The following JPH1 variants were observed in gnomAD, a reference collection of about 807,000 sequenced individuals.
JPH1 encodes junctophilin-1.
A neutral mutation model predicts 53.6 loss-of-function variants in JPH1; 12 were observed. The observed-to-expected ratio is 0.22, with a 90% CI of 0.14 to 0.36. JPH1 has a LOEUF of 0.36. JPH1 is among the 10% of genes least tolerant of loss of function. The pLI, the probability that JPH1 is intolerant of heterozygous loss-of-function variation, is 1.00. For synonymous variants in JPH1, 375 were observed against 363.8 expected, an observed-to-expected ratio of 1.03 and a Z score of -0.35; for missense variants, 808 against 905.5, an observed-to-expected ratio of 0.89 and a Z score of 1.38.
At chr8:74,249,317 C>T (rs952885349) in intron 3 of JPH1, among the ~76,000 whole-genome samples, 1 of 152,154 alleles carries the variant, frequency 6.6e-6, no homozygotes, top group Admixed American at 6.5e-5. Flanking sequence ...TCTGTGGAGA[C>T]TGACAATCAG....
At chr8:74,309,333 C>T (rs1807924512) in intron 2 of JPH1, among the ~76,000 whole-genome samples, 1 of 152,200 alleles carries the variant, frequency 6.6e-6, no homozygotes, top group Admixed American at 6.5e-5. Flanking sequence ...AGTATTTCTT[C>T]TTATCTGCCT....
intron 2 of JPH1, among the ~76,000 whole-genome samples, chr8:74,312,491 C>T (rs1808026610): frequency 6.6e-6 from 1 of 152,194 alleles, no homozygotes; most frequent in Admixed American, 6.5e-5. Flanking sequence ...CTCAAGAGAT[C>T]CTTCTGCCTC....
chr8:74,289,224 A>G (rs1230285211), intron 2 of JPH1, among the ~76,000 whole-genome samples: 1 of 152,146 alleles, frequency 6.6e-6, no homozygotes, highest in Non-Finnish European at 1.5e-5. Context: ...TTTGATTTTC[A>G]TTTCTTTACG....
intron 2 of JPH1, among the ~76,000 whole-genome samples, chr8:74,282,682 C>T (rs1201706391): frequency 6.6e-6 from 1 of 152,052 alleles, no homozygotes; most frequent in African/African-American, 2.4e-5. Context: ...TGAGGATAGC[C>T]AGAGGAGGTT....
In JPH1 at chr8:74,321,078, G is replaced by T; in HGVS notation, c.210C>A (p.His70Gln). The stretch of plus-strand genomic sequence containing the variant: ...TGCCCTTCGTCTCCACCCCCAGCCC[G>T]TGCCGCTTGCCCTGCGCCCAGTAGC... The part of the protein sequence containing the change: ...YQGYWAQGKR[H>Q]GLGVETKGKW... Residue 70 changes from histidine (H) to glutamine (Q), a missense_variant, in exon 1 of 6, where the codon CAC (histidine) becomes CAA (glutamine). Transcript: ENST00000342232. The surrounding 1 kb of genome is among the most constrained non-coding windows in gnomAD (Gnocchi z 4.3). 6.2e-7 allele frequency: 1 copy of T among 1,613,256 alleles called. No individual in the cohort carries two copies. The highest frequency in any genetic ancestry group is 8.5e-7 in the Non-Finnish European group (1 of 1,179,620).
intron 2 of JPH1, among the ~76,000 whole-genome samples, chr8:74,308,676 A>T (rs1331207209): frequency 6.6e-6 from 1 of 152,204 alleles, no homozygotes; most frequent in Non-Finnish European, 1.5e-5. Context: ...AAATATTGTG[A>T]AATTAAATAT....
intron 2 of JPH1, among the ~76,000 whole-genome samples, chr8:74,293,703 T>C (rs945315785): frequency 9.8e-5 from 15 of 152,354 alleles, no homozygotes; most frequent in African/African-American, 3.6e-4. Context: ...ACTTCTTTGA[T>C]TTCTGGCAAC....
intron 2 of JPH1, among the ~76,000 whole-genome samples, chr8:74,276,094 A>G (rs1260919207): frequency 6.6e-6 from 1 of 152,200 alleles, no homozygotes; most frequent in Non-Finnish European, 1.5e-5. Flanking sequence ...ATTTCTAGGA[A>G]TAAGAGGGTA....
intron 3 of JPH1, among the ~76,000 whole-genome samples, chr8:74,245,586 C>T (rs1805838301): frequency 6.6e-6 from 1 of 152,188 alleles, no homozygotes. Flanking sequence ...AGAGGAGAAC[C>T]TGTAGATAAC....
chr8:74,316,343 C>T (rs1305218761), intron 1 of JPH1, among the ~76,000 whole-genome samples: 2 of 151,522 alleles, frequency 1.3e-5, no homozygotes, highest in South Asian at 2.1e-4. Context: ...AAGGCCAAAG[C>T]TTTGTGCCGT....
intron 2 of JPH1, among the ~76,000 whole-genome samples, chr8:74,269,255 A>G (rs528023577): frequency 6.6e-6 from 1 of 152,358 alleles, no homozygotes; most frequent in East Asian, 1.9e-4. Context: ...ACTGTGCCCA[A>G]AACCATTGCG....
At chr8:74,276,954 A>G (rs1178309043) in intron 2 of JPH1, among the ~76,000 whole-genome samples, 1 of 152,212 alleles carries the variant, frequency 6.6e-6, no homozygotes, top group Non-Finnish European at 1.5e-5. Context: ...TAAGAGTATA[A>G]TCGACCATAC....
chr8:74,281,007 T>C (rs766952512), intron 2 of JPH1, among the ~76,000 whole-genome samples: 2 of 152,216 alleles, frequency 1.3e-5, no homozygotes, highest in Non-Finnish European at 2.9e-5. Context: ...GGACTAAACC[T>C]GAGTGTGTTC....
chr8:74,291,877 G>C (rs1280944476), intron 2 of JPH1, among the ~76,000 whole-genome samples: 1 of 152,128 alleles, frequency 6.6e-6, no homozygotes, highest in East Asian at 1.9e-4. Context: ...TCCTTTGTAG[G>C]GACATGGATG....
intron 2 of JPH1, among the ~76,000 whole-genome samples, chr8:74,297,430 A>G (rs1002604307): frequency 1.4e-4 from 21 of 152,364 alleles, no homozygotes; most frequent in African/African-American, 4.8e-4. Flanking sequence ...CACAGAACAT[A>G]ACACAAAACA....
chr8:74,293,147 C>T (rs1215118131), intron 2 of JPH1, among the ~76,000 whole-genome samples: 2 of 152,118 alleles, frequency 1.3e-5, no homozygotes, highest in Non-Finnish European at 2.9e-5. Flanking sequence ...CTATCTTTCT[C>T]AGAGACCTGA....
intron 2 of JPH1, among the ~76,000 whole-genome samples, chr8:74,291,412 G>C (rs1190776485): frequency 1.8e-4 from 28 of 152,272 alleles, no homozygotes; most frequent in Non-Finnish European, 2.5e-4. Flanking sequence ...AAATGCAAAT[G>C]AAAACCACAA....
At chr8:74,306,598 CACTA>C (rs1315739180) in intron 2 of JPH1, among the ~76,000 whole-genome samples, 2 of 143,182 alleles carry the variant, frequency 1.4e-5, no homozygotes, top group African/African-American at 5.5e-5. Flanking sequence ...TGGTGATCTA[CACTA>C]ACTTTTTTTT....
chr8:74,285,726 A>T (rs1807145908), intron 2 of JPH1, among the ~76,000 whole-genome samples: 1 of 152,236 alleles, frequency 6.6e-6, no homozygotes, highest in Admixed American at 6.5e-5. Context: ...ATTATATGCA[A>T]CATGTTGCTT....
Sources: allele counts gnomAD v4.1 joint callset (sites outside exome capture counted in the v4.1 genomes callset), GRCh38; gene constraint gnomAD v4.1.1; non-coding constraint Gnocchi (gnomAD v3.1); transcripts MANE v1.5; gene names NCBI Gene and HGNC (gene_info 2026-07-23, HGNC 2026-07-21).